Variants in MAP3K6 observed in about 807,000 individuals in gnomAD.
MAP3K6 encodes apoptosis signal-regulating kinase 2.
Under a neutral mutation model 147.1 loss-of-function variants are expected in MAP3K6, and 105 were observed. The observed-to-expected ratio is 0.71, with a 90% CI of 0.61 to 0.84. MAP3K6 has a LOEUF of 0.84. Ranked by LOEUF, MAP3K6 falls within the 40% of genes least tolerant of loss-of-function variation. The probability of loss-of-function intolerance (pLI) is 0.00; values close to 1 mark genes in which losing one functional copy is unlikely to be tolerated. For missense variants in MAP3K6, 1,569 were observed against 1,715.0 expected (o/e 0.91, Z 1.50); for synonymous variants, 695 against 732.4 (o/e 0.95, Z 0.82).
intron 8 of MAP3K6, 125 bp from the exon 9 acceptor site, chr1:27,362,375 T>C: frequency 9.7e-7 from 1 of 1,035,518 alleles, no homozygotes; most frequent in Non-Finnish European, 1.4e-6. Context: ...TGGCAAGATC[T>C]CGGGTGGGAA....
At position 27,356,624 on chromosome 1, in the gene MAP3K6, C is replaced by G. The variant is rs572906443; in HGVS notation, c.3490G>C (p.Val1164Leu). 1.2e-6 allele frequency: 2 copies of G among 1,612,836 alleles called. No individual in the cohort carries two copies. The highest frequency in any genetic ancestry group is 1.1e-5 in the South Asian group (1 of 90,890). ...EPEQGPAPLM[V>L]QLSLLRAETD... Reference sequence around the variant, plus strand: ...TCTGCCCTCAAGAGGCTCAGCTGCACCATCAGAGGAGCGGGGCCCTGCTCG... The same window carrying G: ...TCTGCCCTCAAGAGGCTCAGCTGCAGCATCAGAGGAGCGGGGCCCTGCTCG... Residue 1164 changes from valine to leucine, a missense_variant, in exon 25 of 29, where the codon GTG becomes CTG. By Grantham distance (32) the Val-to-Leu change is conservative (BLOSUM62 1). Coordinates refer to ENST00000357582, the MANE Select transcript of MAP3K6 (RefSeq NM_004672.5).
In MAP3K6 at chr1:27,356,385, C is replaced by T. The variant is rs753764999; in HGVS notation, c.3637+3G>A. Reference sequence around the variant, plus strand: ...TAATGTTCTCCAGCCAAGGCCCACTCACTTGGAGGCTCTGGGGCCAGGACA... The same window carrying T: ...TAATGTTCTCCAGCCAAGGCCCACTTACTTGGAGGCTCTGGGGCCAGGACA... On this transcript the variant is annotated splice_donor_region_variant and intron_variant, in intron 26 of 28. Transcript: ENST00000357582. The T allele has an allele frequency of 1.9e-5, 30 of 1,602,692 alleles. No homozygotes were observed. The East Asian group carries it at 6.7e-4, about 36-fold the overall frequency.
At chr1:27,357,646 C>A in intron 22 of MAP3K6, 65 bp downstream of exon 22, 1 of 1,587,224 alleles carries the variant, frequency 6.3e-7, no homozygotes, top group African/African-American at 1.3e-5. Flanking sequence ...AGGTAGGGGG[C>A]GGGGACATCA....
chr1:27,366,289 G>A lies in MAP3K6; in HGVS notation c.309C>T (p.Asp103=). The A allele has an allele frequency of 7.5e-7, 1 of 1,336,896 alleles. No homozygotes were observed. 82.8% of individuals were successfully genotyped at this position (1,336,896 alleles called of 1,614,324 possible). A position where few individuals can be genotyped will look rare whatever the true frequency, so the allele number is the denominator to read the frequency against. ...TGTAGAAGGCATCCAGAGCCGCGGTGTCGCCTAGCTCCAGCGTCCCGAAGG... is the reference window on the plus strand; with the variant it reads ...TGTAGAAGGCATCCAGAGCCGCGGTATCGCCTAGCTCCAGCGTCCCGAAGG... ...SLPFGTLELG[D]TAALDAFYNA... Residue 103 remains aspartate (D), a synonymous_variant, in exon 1 of 29, where the codon GAC becomes GAT. Coordinates refer to ENST00000357582, the MANE Select transcript of MAP3K6 (RefSeq NM_004672.5). This position sits in a 1 kb window ranked among gnomAD's most constrained non-coding sequence, Gnocchi z 5.5.
Position 27,364,151 on chromosome 1 carries a change from C to G in MAP3K6, c.695+53G>C, listed in dbSNP as rs2015888541. 1 of 1,600,142 alleles carries G rather than the reference C, an allele frequency of 6.2e-7. No individual in the cohort carries two copies. The highest frequency in any genetic ancestry group is 1.7e-5 in the Admixed American group (1 of 59,560). On this transcript the variant is annotated intron_variant, in intron 4 of 28. Coordinates refer to ENST00000357582, the MANE Select transcript of MAP3K6 (RefSeq NM_004672.5). This position sits in a 1 kb window ranked among gnomAD's most constrained non-coding sequence, Gnocchi z 4.4. The stretch of plus-strand genomic sequence containing the variant: ...GGGCCTGTACCTCAGCCCCAGCCCA[C>G]CATACCCTCACCAGCCCCCTCCTGG...
rs765800953 is a variant in MAP3K6, at chr1:27,357,406, C to T, written c.3252G>A (p.Pro1084=). The T allele has an allele frequency of 1.0e-5, 16 of 1,589,792 alleles. No individual in the cohort carries two copies. Among genetic ancestry groups the T allele is most frequent in the Non-Finnish European group, 1.4e-5 (16 of 1,163,966 alleles). ...TACCAGAAGGCGCCCTCACCGCATC[C>T]GGGAAGGCAAACAGCGGTCTGTGCA... ...ALLHRPLFAF[P]DAVKQILRKR... Residue 1084 remains proline (P), a synonymous_variant, in exon 23 of 29, where the codon CCG becomes CCA. Transcript: ENST00000357582.
Position 27,360,582 on chromosome 1 carries a change from T to C in MAP3K6, c.2054+123A>G. The C allele has an allele frequency of 3.5e-6, 5 of 1,442,500 alleles. No homozygotes were observed. The highest frequency in any genetic ancestry group is 4.6e-6 in the Non-Finnish European group (5 of 1,089,016). 89.4% of individuals were successfully genotyped at this position (1,442,500 alleles called of 1,614,324 possible). ...CGCCCACGGGCCCAGTCCACAGGGCTCGAACTCTCAGGTCCTACGAGCCCG... is the reference window on the plus strand; with the variant it reads ...CGCCCACGGGCCCAGTCCACAGGGCCCGAACTCTCAGGTCCTACGAGCCCG... On this transcript the variant is annotated intron_variant, in intron 15 of 28. Coordinates refer to ENST00000357582, the MANE Select transcript of MAP3K6 (RefSeq NM_004672.5). This position sits in a 1 kb window ranked among gnomAD's most constrained non-coding sequence, Gnocchi z 4.5.
rs561758563 is a variant in MAP3K6, at chr1:27,359,683, G to A, written c.2320-161C>T. 8.1e-6 allele frequency: 7 copies of A among 865,612 alleles called. No individual in the cohort carries two copies. In the South Asian group the frequency reaches 3.7e-4, roughly 46 times the overall value. 53.6% of individuals were successfully genotyped at this position (865,612 alleles called of 1,614,324 possible). A position where few individuals can be genotyped will look rare whatever the true frequency, so the allele number is the denominator to read the frequency against. ...TATGCCCCTCTGGGAGCTGACAATT[G>A]GTTTGGCTTCAGAGCTGAACCTTTC... On this transcript the variant is annotated intron_variant, in intron 17 of 28. Coordinates refer to ENST00000357582, the MANE Select transcript of MAP3K6 (RefSeq NM_004672.5). The surrounding 1 kb of genome is among the most constrained non-coding windows in gnomAD (Gnocchi z 4.4).
In MAP3K6 at chr1:27,362,663, A is replaced by G. The variant is rs768558168; in HGVS notation, c.1233T>C (p.Asp411=). ...CACCTATTAGCCGGAGCTCTTTGGA[A>G]TCCTCAAAGTGCTGCCCGGCAGCAA... is the stretch of plus-strand genomic sequence containing the variant. The part of the protein sequence containing the change: ...LLIAAGQHFE[D]SKELRLIGMK... Residue 411 remains aspartate (D), a synonymous_variant, in exon 8 of 29, where the codon GAT becomes GAC. Coordinates refer to ENST00000357582, the MANE Select transcript of MAP3K6 (RefSeq NM_004672.5). 1.5e-5 allele frequency: 24 copies of G among 1,598,456 alleles called. No homozygotes were observed. The Admixed American group carries it at 4.1e-4, about 28-fold the overall frequency.
intron 27 of MAP3K6, 77 bp downstream of exon 27, chr1:27,355,949 T>TG (rs36035221): frequency 0.35 from 486,146 of 1,379,160 alleles, 92,950 homozygotes; most frequent in African/African-American, 0.66. Context: ...GAGGGCACAG[T>TG]AGAAGAGCAG....
chr1:27,366,398 G>C lies in MAP3K6; in HGVS notation c.200C>G (p.Ala67Gly). ...CAGGCAGCGCAGGGGCAGCGGCTCC[G>C]CCTCGGTTCCCTCCCGAGGCTCGAG... ...PGLEPREGTE[A>G]EPLPLRCLRE... is the part of the protein sequence containing the mutation. Residue 67 changes from alanine (A) to glycine (G), a missense_variant, in exon 1 of 29, where the codon GCG (alanine) becomes GGG (glycine). Coordinates refer to ENST00000357582, the MANE Select transcript of MAP3K6 (RefSeq NM_004672.5). This position sits in a 1 kb window ranked among gnomAD's most constrained non-coding sequence, Gnocchi z 5.5. The C allele has an allele frequency of 8.1e-7, 1 of 1,242,038 alleles. No homozygotes were observed. Among genetic ancestry groups the C allele is most frequent in the Non-Finnish European group, 1.0e-6 (1 of 993,046 alleles). 76.9% of individuals were successfully genotyped at this position (1,242,038 alleles called of 1,614,324 possible). A position where few individuals can be genotyped will look rare whatever the true frequency, so the allele number is the denominator to read the frequency against.
In MAP3K6 at chr1:27,361,250, G is replaced by A. The variant is rs1373244921; in HGVS notation, c.1739C>T (p.Ala580Val). Residue 580 changes from alanine (A) to valine (V), a missense_variant and splice_region_variant, in exon 13 of 29, where the codon GCC becomes GTC. Physicochemically the swap from Ala to Val is moderately conservative, Grantham distance 64 (BLOSUM62 0). Coordinates refer to ENST00000357582, the MANE Select transcript of MAP3K6 (RefSeq NM_004672.5). ...FPVASICGVSASKRDERCCFL... is the reference protein window; with the variant it reads ...FPVASICGVSVSKRDERCCFL... The stretch of plus-strand genomic sequence containing the variant: ...GCAGCAGCGCTCGTCGCGCTTTGAG[G>A]CGCTGGGAAGGGATGAAGAACCCAG... 6.2e-6 allele frequency: 10 copies of A among 1,613,434 alleles called. No individual in the cohort carries two copies. Among genetic ancestry groups the A allele is most frequent in the Non-Finnish European group, 8.5e-6 (10 of 1,179,876 alleles).
At chr1:27,365,811 T>C (rs1571080617) in intron 1 of MAP3K6, among the ~76,000 whole-genome samples, 1 of 152,042 alleles carries the variant, frequency 6.6e-6, no homozygotes, top group East Asian at 1.9e-4. Flanking sequence ...TCCCGGCCCC[T>C]TTCCCTAAGT....
intron 21 of MAP3K6, 76 bp from the exon 22 acceptor site, chr1:27,357,952 T>C (rs1472503841): frequency 1.3e-6 from 2 of 1,490,040 alleles, no homozygotes; most frequent in Admixed American, 4.6e-5. Flanking sequence ...GTTTGAATCC[T>C]GGCTCTCCTA....
rs770997298 is a variant in MAP3K6, at chr1:27,355,464, C to T, written c.3794G>A (p.Gly1265Glu). 3.0e-5 allele frequency: 48 copies of T among 1,614,030 alleles called. No individual in the cohort carries two copies. Among genetic ancestry groups the T allele is most frequent in the South Asian group, 9.9e-5 (9 of 91,084 alleles). ...GGCCCTCCAGATGCGGCATACCATC[C>T]CTCCCCTGGGGGTAATGGACTCAGT... ...DDLIYTRIRG[G>E]MVCRIWRAIL... The change falls in exon 29 of 29, where the codon GGG becomes GAG. Residue 1265 changes from glycine (G) to glutamate (E), a missense_variant. Transcript: ENST00000357582.
Position 27,360,293 on chromosome 1 carries a change from G to A in MAP3K6, c.2130C>T (p.Gly710=). 1 of 1,614,132 alleles carries A rather than the reference G, an allele frequency of 6.2e-7. No individual in the cohort carries two copies. The highest frequency in any genetic ancestry group is 8.5e-7 in the Non-Finnish European group (1 of 1,179,998). ...TAAGGTAGCCGCCCTGGCTAGCTGA[G>A]CCCAGATAGCGCACTATGTTCTTGT... ...LRHKNIVRYL[G]SASQGGYLKI... The change falls in exon 16 of 29, where the codon GGC becomes GGT. Residue 710 remains glycine, a synonymous_variant. Transcript: ENST00000357582. The surrounding 1 kb of genome is among the most constrained non-coding windows in gnomAD (Gnocchi z 4.5).
rs1340568851 is a variant in MAP3K6, at chr1:27,360,700, C to A, written c.2054+5G>T. ...CAGCCCCACCCGCGCTGCCACGCACCGCACCTGCTGTCCCGCTCCGGGATC... is the reference window on the plus strand; with the variant it reads ...CAGCCCCACCCGCGCTGCCACGCACAGCACCTGCTGTCCCGCTCCGGGATC... On this transcript the variant is annotated splice_donor_5th_base_variant and intron_variant, in intron 15 of 28. Transcript: ENST00000357582. The surrounding 1 kb of genome is among the most constrained non-coding windows in gnomAD (Gnocchi z 4.5). 9 of 1,609,886 alleles carry A rather than the reference C, an allele frequency of 5.6e-6. No homozygotes were observed. Among genetic ancestry groups the A allele is most frequent in the South Asian group, 1.1e-5 (1 of 90,838 alleles).
rs1448386340 is a variant in MAP3K6, at chr1:27,366,410, T to C, written c.188A>G (p.Glu63Gly). The change falls in exon 1 of 29, where the codon GAG becomes GGG. Residue 63 changes from glutamate to glycine, a missense_variant. Physicochemically the swap from Glu to Gly is moderately conservative, Grantham distance 98. Transcript: ENST00000357582. This position sits in a 1 kb window ranked among gnomAD's most constrained non-coding sequence, Gnocchi z 5.5. Reference sequence around the variant, plus strand: ...GGGCAGCGGCTCCGCCTCGGTTCCCTCCCGAGGCTCGAGCCCGGGCTGCGG... The same window carrying C: ...GGGCAGCGGCTCCGCCTCGGTTCCCCCCCGAGGCTCGAGCCCGGGCTGCGG... ...REPQPGLEPR[E>G]GTEAEPLPLR... The C allele has an allele frequency of 2.0e-5, 24 of 1,195,904 alleles. No individual in the cohort carries two copies. Among genetic ancestry groups the C allele is most frequent in the Non-Finnish European group, 2.0e-5 (19 of 966,730 alleles). 74.1% of individuals were successfully genotyped at this position (1,195,904 alleles called of 1,614,324 possible).
In MAP3K6 at chr1:27,364,899, C is replaced by T. The variant is rs758996071; in HGVS notation, c.354G>A (p.Leu118=). 1.0e-5 allele frequency: 16 copies of T among 1,592,240 alleles called. No homozygotes were observed. The South Asian group carries it at 1.7e-4, about 17-fold the overall frequency. The part of the protein sequence containing the change: ...DAFYNADVVV[L]EVSSSLVQPS... ...GCTGTACCAGCGAGCTGCTCACCTC[C>T]AGCACCACCACATCTGCAGGCACAG... Residue 118 remains leucine (L), a synonymous_variant, in exon 2 of 29, where the codon CTG becomes CTA. Transcript: ENST00000357582. The surrounding 1 kb of genome is among the most constrained non-coding windows in gnomAD (Gnocchi z 4.4).
Sources: gnomAD v4.1 joint callset for allele counts (sites outside exome capture counted in the v4.1 genomes callset) on GRCh38, gnomAD v4.1.1 for gene constraint, Gnocchi (gnomAD v3.1) non-coding constraint, MANE v1.5 for transcripts, NCBI Gene and HGNC (gene_info 2026-07-23, HGNC 2026-07-21) for gene names.